Variants in AUTS2 observed in about 807,000 individuals in gnomAD.
The protein encoded by AUTS2 is activator of transcription and developmental regulator AUTS2.
In AUTS2, 17 loss-of-function variants were observed where a neutral mutation model predicts 112.4. The observed-to-expected ratio is 0.15, with a 90% CI of 0.10 to 0.23. The LOEUF is 0.23. Among genes scored for constraint, AUTS2 ranks in the 10% least tolerant of loss-of-function variants. The pLI is 1.00. For synonymous variants in AUTS2, 751 were observed against 702.7 expected, an observed-to-expected ratio of 1.07 and a Z score of -1.09; for missense variants, 1,510 against 1,701.6, an observed-to-expected ratio of 0.89 and a Z score of 1.98.
intron 4 of AUTS2, among the ~76,000 whole-genome samples, chr7:70,154,062 T>G (rs1437922130): frequency 6.6e-6 from 1 of 152,218 alleles, no homozygotes; most frequent in Non-Finnish European, 1.5e-5. Context: ...TACCTCCCAC[T>G]GTTTTTCAAT....
chr7:70,430,612 A>G (rs1280127313), intron 4 of AUTS2, among the ~76,000 whole-genome samples: 2 of 152,178 alleles, frequency 1.3e-5, no homozygotes, highest in African/African-American at 4.8e-5. Flanking sequence ...CATAGAAACA[A>G]TAGAACTCCA....
At chr7:70,287,461 T>C (rs977121047) in intron 4 of AUTS2, among the ~76,000 whole-genome samples, 2 of 152,220 alleles carry the variant, frequency 1.3e-5, no homozygotes, top group African/African-American at 4.8e-5. Context: ...GTAAGTCAGA[T>C]ACTAATGAAT....
chr7:69,673,702 T>C (rs1470587870), intron 1 of AUTS2, among the ~76,000 whole-genome samples: 1 of 152,222 alleles, frequency 6.6e-6, no homozygotes, highest in Admixed American at 6.5e-5. Flanking sequence ...AAAGGTCTTA[T>C]AATTATGGGG....
At chr7:69,609,803 A>G (rs1398936664) in intron 1 of AUTS2, among the ~76,000 whole-genome samples, 1 of 152,272 alleles carries the variant, frequency 6.6e-6, no homozygotes, top group Non-Finnish European at 1.5e-5. Flanking sequence ...CTGAACCAGA[A>G]CATTTATAAC....
At chr7:69,997,176 A>G (rs1798984520) in intron 2 of AUTS2, among the ~76,000 whole-genome samples, 1 of 152,214 alleles carries the variant, frequency 6.6e-6, no homozygotes, top group South Asian at 2.1e-4. Context: ...CTTATGAGGC[A>G]CAGCTGGCAT....
intron 2 of AUTS2, among the ~76,000 whole-genome samples, chr7:70,024,937 G>A (rs1800447571): frequency 6.6e-6 from 1 of 152,170 alleles, no homozygotes; most frequent in East Asian, 1.9e-4. Flanking sequence ...CTAAATTCAT[G>A]TTTGATTAAT....
chr7:70,691,194 G>C (rs1204503149), intron 5 of AUTS2, among the ~76,000 whole-genome samples: 1 of 152,102 alleles, frequency 6.6e-6, no homozygotes, highest in Non-Finnish European at 1.5e-5. Context: ...TAACACCAGA[G>C]TGGAAATTGA....
At chr7:70,418,103 G>GTGTGTGTGTGTGTGTC (rs1554396536) in intron 4 of AUTS2, among the ~76,000 whole-genome samples, 2 of 149,120 alleles carry the variant, frequency 1.3e-5, no homozygotes, top group East Asian at 2.0e-4. Flanking sequence ...GTGTGTGTGT[G>GTGTGTGTGTGTGTGTC]TGTGTGTGTC....
At chr7:69,763,172 C>T (rs1363343397) in intron 1 of AUTS2, among the ~76,000 whole-genome samples, 1 of 152,226 alleles carries the variant, frequency 6.6e-6, no homozygotes, top group Non-Finnish European at 1.5e-5. Context: ...GGTGAACCTT[C>T]ATCAGGATGC....
At chr7:70,570,627 C>A (rs1801899151) in intron 5 of AUTS2, among the ~76,000 whole-genome samples, 1 of 152,190 alleles carries the variant, frequency 6.6e-6, no homozygotes, top group African/African-American at 2.4e-5. Flanking sequence ...ATGACAGCCA[C>A]CTTCCCCTTT....
intron 1 of AUTS2, among the ~76,000 whole-genome samples, chr7:69,685,326 C>G (rs1470152497): frequency 6.6e-6 from 1 of 152,208 alleles, no homozygotes; most frequent in African/African-American, 2.4e-5. Flanking sequence ...CTAGACGTTT[C>G]TGTGACTACT....
At chr7:70,780,623 G>T (rs531465409) in intron 14 of AUTS2, among the ~76,000 whole-genome samples, 3 of 152,086 alleles carry the variant, frequency 2.0e-5, no homozygotes, top group African/African-American at 7.2e-5. Flanking sequence ...CAGTCCGCCC[G>T]CCTTGGCCTC....
intron 5 of AUTS2, among the ~76,000 whole-genome samples, chr7:70,615,886 AG>A (rs1804340615): frequency 6.6e-6 from 1 of 152,000 alleles, no homozygotes; most frequent in Non-Finnish European, 1.5e-5. Context: ...CTGAGATTAC[AG>A]GTGCTGGCCA....
At chr7:69,928,732 A>G (rs1169498433) in intron 2 of AUTS2, among the ~76,000 whole-genome samples, 1 of 151,968 alleles carries the variant, frequency 6.6e-6, no homozygotes, top group Non-Finnish European at 1.5e-5. Context: ...CCCCAAGAAC[A>G]CATGGATGCT....
At chr7:70,021,656 C>T (rs1012649913) in intron 2 of AUTS2, among the ~76,000 whole-genome samples, 1 of 152,126 alleles carries the variant, frequency 6.6e-6, no homozygotes, top group Non-Finnish European at 1.5e-5. Flanking sequence ...GCTGTGATGC[C>T]CAGCACATAG....
intron 1 of AUTS2, among the ~76,000 whole-genome samples, chr7:69,611,732 C>A (rs1793042448): frequency 1.3e-5 from 2 of 151,428 alleles, no homozygotes; most frequent in South Asian, 4.2e-4. Context: ...AGATCGAGAC[C>A]ATCCTGGCTA....
chr7:70,435,668 T>A (rs1795862814), intron 4 of AUTS2, 84 bp from the exon 5 acceptor site: 2 of 1,353,300 alleles, frequency 1.5e-6, no homozygotes, highest in East Asian at 4.6e-5. Context: ...ACTTTTTTTG[T>A]ATGGGGGTTG....
chr7:70,721,255 G>A (rs184163062), intron 6 of AUTS2, among the ~76,000 whole-genome samples: 6 of 148,990 alleles, frequency 4.0e-5, no homozygotes, highest in East Asian at 2.0e-4. Flanking sequence ...CACGACTGAC[G>A]TGTGTGACAG....
At chr7:69,732,649 AG>A (rs1305512636) in intron 1 of AUTS2, among the ~76,000 whole-genome samples, 3 of 152,092 alleles carry the variant, frequency 2.0e-5, no homozygotes, top group African/African-American at 7.2e-5. Context: ...CCCAAATATG[AG>A]GTATCTGTTT....
Sources: allele counts gnomAD v4.1 joint callset (sites outside exome capture counted in the v4.1 genomes callset), GRCh38; gene constraint gnomAD v4.1.1; transcripts MANE v1.5; gene names NCBI Gene and HGNC (gene_info 2026-07-23, HGNC 2026-07-21).